LGR6: variants seen among roughly 807,000 people sequenced by gnomAD.
LGR6 encodes leucine rich repeat containing G protein-coupled receptor 6, also known as leucine-rich repeat-containing G protein-coupled receptor 6.
In LGR6, 45 loss-of-function variants were observed where a neutral mutation model predicts 69.4. The observed-to-expected ratio is 0.65, with a 90% CI of 0.51 to 0.83. The LOEUF is 0.83. Ranked by LOEUF, LGR6 falls within the 40% of genes least tolerant of loss-of-function variation. The probability of loss-of-function intolerance (pLI) is 0.00; values close to 1 mark genes in which losing one functional copy is unlikely to be tolerated. For synonymous variants in LGR6, 538 were observed against 555.0 expected, an observed-to-expected ratio of 0.97 and a Z score of 0.43; for missense variants, 1,108 against 1,246.7, an observed-to-expected ratio of 0.89 and a Z score of 1.68.
At chr1:202,214,248 G>A in intron 1 of LGR6, 1 of 1,536,234 alleles carries the variant, frequency 6.5e-7, no homozygotes, top group South Asian at 1.2e-5. Flanking sequence ...GTAGGCTTGG[G>A]GGAAGGGTGC....
intron 4 of LGR6, among the ~76,000 whole-genome samples, chr1:202,261,901 C>T (rs2148108307): frequency 6.6e-6 from 1 of 152,312 alleles, no homozygotes; most frequent in Non-Finnish European, 1.5e-5. Context: ...AGTGTCTGTT[C>T]ATATCCTTTG....
chr1:202,228,744 C>T (rs1203669275), intron 3 of LGR6, among the ~76,000 whole-genome samples: 1 of 152,062 alleles, frequency 6.6e-6, no homozygotes, highest in East Asian at 1.9e-4. Flanking sequence ...TGGGAGGAAG[C>T]GGATGCATAG....
chr1:202,236,025 C>T, intron 4 of LGR6, 32 bp downstream of exon 4: 3 of 1,594,732 alleles, frequency 1.9e-6, no homozygotes, highest in Non-Finnish European at 2.6e-6. Context: ...CTGGGAGTCA[C>T]CAGCTTCCTG....
intron 6 of LGR6, among the ~76,000 whole-genome samples, chr1:202,282,672 G>C (rs1666098483): frequency 6.6e-6 from 1 of 152,134 alleles, no homozygotes; most frequent in African/African-American, 2.4e-5. Flanking sequence ...GTGGGGAGGG[G>C]GTACATACAC....
intron 1 of LGR6, among the ~76,000 whole-genome samples, chr1:202,205,477 T>TTACACACA (rs1659164793): frequency 2.6e-4 from 1 of 3,786 alleles, no homozygotes; most frequent in African/African-American, 7.1e-4. Flanking sequence ...CACACACACC[T>TTACACACA]CCTTCAAACA....
Position 202,319,540 on chromosome 1 carries a change from G to A in LGR6, c.*333G>A. On this transcript the variant is annotated 3_prime_UTR_variant, in exon 18 of 18. Transcript: ENST00000367278. ...GTGAAGGGGTGGAGGGTTGATCAGG[G>A]CACAGTGGACAGGGAGACCTCACAG... 3.9e-6 allele frequency: 1 copy of A among 253,740 alleles called. No homozygotes were observed. The highest frequency in any genetic ancestry group is 7.5e-6 in the Non-Finnish European group (1 of 132,758). 15.7% of individuals were successfully genotyped at this position (253,740 alleles called of 1,614,324 possible).
chr1:202,297,648 C>G, intron 7 of LGR6, 72 bp downstream of exon 7: 1 of 1,238,786 alleles, frequency 8.1e-7, no homozygotes, highest in Non-Finnish European at 1.2e-6. Context: ...GCCTGAGCTG[C>G]CTCATGCTCT....
At chr1:202,217,273 A>G (rs371343590) in intron 1 of LGR6, among the ~76,000 whole-genome samples, 2 of 152,132 alleles carry the variant, frequency 1.3e-5, no homozygotes, top group South Asian at 4.1e-4. Flanking sequence ...GTGCCAAACC[A>G]TGATTTCCCA....
Position 202,310,257 on chromosome 1 carries a change from C to T in LGR6, c.1467C>T (p.Phe489=), listed in dbSNP as rs1468844419. The part of the protein sequence containing the change: ...CCPYGMCASF[F]KASGQWEAED... ...CCTATGGGATGTGTGCCAGCTTCTT[C>T]AAGGCCTCTGGGCAGTGGGAGGCTG... The change falls in exon 16 of 18, where the codon TTC becomes TTT. Residue 489 remains phenylalanine (F), a synonymous_variant. Coordinates refer to ENST00000367278, the MANE Select transcript of LGR6 (RefSeq NM_001017403.2). 1.9e-6 allele frequency: 3 copies of T among 1,614,122 alleles called. No homozygotes were observed. Among genetic ancestry groups the T allele is most frequent in the Non-Finnish European group, 2.5e-6 (3 of 1,180,016 alleles).
chr1:202,263,963 G>A (rs1356119635), intron 4 of LGR6, among the ~76,000 whole-genome samples: 2 of 152,202 alleles, frequency 1.3e-5, no homozygotes, highest in Non-Finnish European at 2.9e-5. Flanking sequence ...ATAATTCTGA[G>A]CAAGAGAAAA....
intron 6 of LGR6, among the ~76,000 whole-genome samples, chr1:202,281,778 A>C (rs1666025088): frequency 6.7e-6 from 1 of 148,974 alleles, no homozygotes; most frequent in Non-Finnish European, 1.5e-5. Context: ...TCCATAACCA[A>C]CCCCCCTTAT....
chr1:202,253,209 A>G (rs1045009696), intron 4 of LGR6, among the ~76,000 whole-genome samples: 1 of 152,196 alleles, frequency 6.6e-6, no homozygotes, highest in African/African-American at 2.4e-5. Context: ...TAGGAATAAC[A>G]AAGTGGTTGT....
At chr1:202,216,535 T>A (rs1659795231) in intron 1 of LGR6, among the ~76,000 whole-genome samples, 1 of 152,210 alleles carries the variant, frequency 6.6e-6, no homozygotes, top group African/African-American at 2.4e-5. Context: ...AGGAACTGCA[T>A]TTTAAATTTA....
chr1:202,289,697 C>T (rs1666652250), intron 6 of LGR6, among the ~76,000 whole-genome samples: 1 of 152,230 alleles, frequency 6.6e-6, no homozygotes, highest in Admixed American at 6.5e-5. Flanking sequence ...TGGTTCCTGG[C>T]TCACCCAGTC....
At chr1:202,218,985 G>C (rs1489992225) in intron 1 of LGR6, among the ~76,000 whole-genome samples, 1 of 152,158 alleles carries the variant, frequency 6.6e-6, no homozygotes, top group Non-Finnish European at 1.5e-5. Context: ...ACAGCACTGA[G>C]CTCAGTGCAC....
In LGR6 at chr1:202,279,414, T is replaced by A. The variant is rs545130821; in HGVS notation, c.645-1367T>A. Among the ~76,000 whole-genome samples the A allele has an allele frequency of 4.6e-5, 7 of 152,296 alleles. No individual in the cohort carries two copies. The South Asian group carries it at 1.5e-3, about 32-fold the overall frequency. The stretch of plus-strand genomic sequence containing the variant: ...GGGTGAGGCCTGCCCATTGCCTTTA[T>A]ATTTGAACAACATCTTGGAGGCCAG... On this transcript the variant is annotated intron_variant, in intron 5 of 17. Transcript: ENST00000367278.
At chr1:202,225,784 T>G (rs1041841668) in intron 2 of LGR6, among the ~76,000 whole-genome samples, 6 of 152,098 alleles carry the variant, frequency 3.9e-5, no homozygotes, top group African/African-American at 1.4e-4. Context: ...TGACCTGCTG[T>G]CATCCCCTGT....
chr1:202,251,819 G>A lies in LGR6; in HGVS notation c.428+15826G>A, dbSNP rs187226102. ...CCCTCAGAACATCTGGAGTGTGGGG[G>A]GCTGGAGGGGAGCCCACCTGGAAGG... is the stretch of plus-strand genomic sequence containing the variant. On this transcript the variant is annotated intron_variant, in intron 4 of 17. Transcript: ENST00000367278. Among the ~76,000 whole-genome samples, 1,339 of 152,316 alleles carry A rather than the reference G, an allele frequency of 8.8e-3. 8 individuals carry two copies. Among genetic ancestry groups the A allele is most frequent in the Middle Eastern group, 0.041 (12 of 294 alleles).
At chr1:202,197,862 C>T (rs954783280) in intron 1 of LGR6, among the ~76,000 whole-genome samples, 12 of 152,162 alleles carry the variant, frequency 7.9e-5, no homozygotes, top group African/African-American at 2.9e-4. Context: ...TTACTCTGGG[C>T]CCGCAAGGCT....
Sources: allele counts gnomAD v4.1 joint callset (sites outside exome capture counted in the v4.1 genomes callset), GRCh38; gene constraint gnomAD v4.1.1; transcripts MANE v1.5; gene names NCBI Gene and HGNC (gene_info 2026-07-23, HGNC 2026-07-21).